Variants in FRMD5 observed in about 807,000 individuals in gnomAD.
The protein encoded by FRMD5 is FERM domain containing 5, also known as FERM domain-containing protein 5.
Under a neutral mutation model 69.0 loss-of-function variants are expected in FRMD5, and 20 were observed. The observed-to-expected ratio is 0.29, with a 90% CI of 0.20 to 0.42. The LOEUF (loss-of-function observed/expected upper bound fraction) is 0.42, where lower values mean the gene tolerates loss of function less well. FRMD5 is among the 10% of genes least tolerant of loss of function. The probability of loss-of-function intolerance (pLI) is 1.00; values close to 1 mark genes in which losing one functional copy is unlikely to be tolerated. For missense variants in FRMD5, 595 were observed against 708.6 expected (o/e 0.84, Z 1.82); for synonymous variants, 271 against 260.1 (o/e 1.04, Z -0.40).
chr15:44,029,062 T>C (rs1460479537), intron 1 of FRMD5, among the ~76,000 whole-genome samples: 2 of 152,138 alleles, frequency 1.3e-5, no homozygotes, highest in African/African-American at 2.4e-5. Flanking sequence ...TCAACAAATA[T>C]TTGCCAAATG....
Position 43,930,280 on chromosome 15 carries a change from T to C in FRMD5, c.103-5971A>G, listed in dbSNP as rs113701815. Reference sequence around the variant, plus strand: ...GCAGCCAGCTCACTCTGGGAGAAGATTAAGAAAGCTCATTCCAGGGGGAAA... The same window carrying C: ...GCAGCCAGCTCACTCTGGGAGAAGACTAAGAAAGCTCATTCCAGGGGGAAA... On this transcript the variant is annotated intron_variant, in intron 1 of 13. Coordinates refer to ENST00000417257, the MANE Select transcript of FRMD5 (RefSeq NM_032892.5). Among the ~76,000 whole-genome samples, 41 of 152,250 alleles carry C rather than the reference T, an allele frequency of 2.7e-4. 1 individual carries two copies. The highest frequency in any genetic ancestry group is 9.9e-4 in the African/African-American group (41 of 41,556).
intron 1 of FRMD5, chr15:43,989,465 G>A: frequency 1.2e-6 from 1 of 812,850 alleles, no homozygotes; most frequent in South Asian, 1.3e-5. Context: ...CGGGCAGCTT[G>A]TAGCTATCTC....
intron 1 of FRMD5, among the ~76,000 whole-genome samples, chr15:44,109,295 A>G (rs2076764548): frequency 6.6e-6 from 1 of 152,122 alleles, no homozygotes; most frequent in South Asian, 2.1e-4. Context: ...TAAAATACAT[A>G]TAACATAAAA....
At chr15:44,161,617 C>T (rs909598800) in intron 1 of FRMD5, among the ~76,000 whole-genome samples, 2 of 152,146 alleles carry the variant, frequency 1.3e-5, no homozygotes, top group Non-Finnish European at 2.9e-5. Flanking sequence ...GGTATTTAAA[C>T]ATGATTTGTA....
rs1457849118 is a variant in FRMD5, at chr15:43,873,516, C to G, written c.*369G>C. 9.9e-6 allele frequency: 14 copies of G among 1,411,390 alleles called. No homozygotes were observed. Among genetic ancestry groups the G allele is most frequent in the Non-Finnish European group, 1.2e-5 (13 of 1,086,106 alleles). 87.4% of individuals were successfully genotyped at this position (1,411,390 alleles called of 1,614,324 possible). A position where few individuals can be genotyped will look rare whatever the true frequency, so the allele number is the denominator to read the frequency against. On this transcript the variant is annotated 3_prime_UTR_variant, in exon 14 of 14. Coordinates refer to ENST00000417257, the MANE Select transcript of FRMD5 (RefSeq NM_032892.5). ...CTAGTGTCCCCTCTGCTAGGTGATA[C>G]TACTGCAATAATCAGTAATAGTAAA...
chr15:44,111,744 G>C (rs1481810955), intron 1 of FRMD5, among the ~76,000 whole-genome samples: 3 of 152,138 alleles, frequency 2.0e-5, no homozygotes, highest in African/African-American at 7.2e-5. Context: ...TGAGGTGCAC[G>C]AAGGAGCTAG....
At chr15:44,010,491 G>C (rs528616246) in intron 1 of FRMD5, among the ~76,000 whole-genome samples, 100 of 149,968 alleles carry the variant, frequency 6.7e-4, no homozygotes, top group Middle Eastern at 3.5e-3. Context: ...TCCATCTCCT[G>C]AGTTCAAGCC....
At chr15:44,171,452 A>G (rs569625734) in intron 1 of FRMD5, among the ~76,000 whole-genome samples, 7 of 152,206 alleles carry the variant, frequency 4.6e-5, no homozygotes, top group Non-Finnish European at 7.3e-5. Context: ...TGTATAAGGA[A>G]TCCAGTATTT....
chr15:44,035,749 A>G (rs1212679781), intron 1 of FRMD5, among the ~76,000 whole-genome samples: 4 of 152,198 alleles, frequency 2.6e-5, no homozygotes, highest in Non-Finnish European at 5.9e-5. Context: ...ACCAACTGCC[A>G]CCTGAGCAGT....
chr15:43,895,269 G>C (rs2088887163), intron 7 of FRMD5, among the ~76,000 whole-genome samples: 1 of 152,246 alleles, frequency 6.6e-6, no homozygotes, highest in South Asian at 2.1e-4. Context: ...TTCACTGTTA[G>C]GGGACCATGG....
chr15:43,994,620 T>C lies in FRMD5; in HGVS notation c.103-70311A>G, dbSNP rs532905173. Among the ~76,000 whole-genome samples the C allele has an allele frequency of 4.6e-5, 7 of 152,206 alleles. No homozygotes were observed. In the South Asian group the frequency reaches 1.5e-3, roughly 32 times the overall value. On this transcript the variant is annotated intron_variant, in intron 1 of 13. Coordinates refer to ENST00000417257, the MANE Select transcript of FRMD5 (RefSeq NM_032892.5). ...TAATTTTTTTATTTTTTGGTAGAGA[T>C]GGGGTTTTACCATGTTGGCCAGGCT...
chr15:43,908,895 C>A (rs1340290396), intron 5 of FRMD5, among the ~76,000 whole-genome samples: 1 of 152,146 alleles, frequency 6.6e-6, no homozygotes, highest in African/African-American at 2.4e-5. Flanking sequence ...TTCTAAGATG[C>A]TTCATATCTT....
intron 1 of FRMD5, among the ~76,000 whole-genome samples, chr15:44,161,213 T>A (rs2077611455): frequency 6.6e-6 from 1 of 152,200 alleles, no homozygotes; most frequent in African/African-American, 2.4e-5. Context: ...TCCCTCAATT[T>A]CTATTCCCAA....
At chr15:44,029,930 G>T (rs1891605951) in intron 1 of FRMD5, among the ~76,000 whole-genome samples, 1 of 152,106 alleles carries the variant, frequency 6.6e-6, no homozygotes, top group African/African-American at 2.4e-5. Flanking sequence ...AAGCCTCTTT[G>T]AATTATATAT....
intron 1 of FRMD5, among the ~76,000 whole-genome samples, chr15:43,976,105 T>C (rs2090458314): frequency 7.2e-6 from 1 of 139,242 alleles, no homozygotes; most frequent in Non-Finnish European, 1.5e-5. Flanking sequence ...TCATACCTTG[T>C]TCCATATATT....
At chr15:44,112,650 A>G (rs894528921) in intron 1 of FRMD5, among the ~76,000 whole-genome samples, 1 of 151,982 alleles carries the variant, frequency 6.6e-6, no homozygotes, top group Non-Finnish European at 1.5e-5. Flanking sequence ...GTATTTTTGT[A>G]GAGACGGGGT....
At chr15:44,120,228 C>T (rs190090103) in intron 1 of FRMD5, among the ~76,000 whole-genome samples, 4 of 152,220 alleles carry the variant, frequency 2.6e-5, no homozygotes, top group Admixed American at 2.6e-4. Flanking sequence ...AGAAAGATCT[C>T]TCTGGAATCA....
chr15:43,924,339 T>C (rs777403990), intron 1 of FRMD5, 30 bp from the exon 2 acceptor site: 7 of 1,532,720 alleles, frequency 4.6e-6, no homozygotes, highest in Admixed American at 1.7e-5. Context: ...CATTGAGAAA[T>C]GAGTGGGTTT....
chr15:44,191,922 T>TA (rs1279440991), intron 1 of FRMD5, among the ~76,000 whole-genome samples: 2,134 of 8,484 alleles, frequency 0.25, 130 homozygotes, highest in African/African-American at 0.3. Context: ...TATATATATA[T>TA]TATATATATA....
Sources: allele counts gnomAD v4.1 joint callset (sites outside exome capture counted in the v4.1 genomes callset), GRCh38; gene constraint gnomAD v4.1.1; transcripts MANE v1.5; gene names NCBI Gene and HGNC (gene_info 2026-07-23, HGNC 2026-07-21).